Variants in NRG1 observed in about 807,000 individuals in gnomAD.
NRG1 encodes pro-neuregulin-1, membrane-bound isoform.
A neutral mutation model predicts 63.8 loss-of-function variants in NRG1; 18 were observed. The ratio of observed to expected loss-of-function variants is 0.28; its 90% CI spans 0.19 to 0.42. NRG1 has a LOEUF of 0.42. Among genes scored for constraint, NRG1 ranks in the 10% least tolerant of loss-of-function variants. The pLI, the probability that NRG1 is intolerant of heterozygous loss-of-function variation, is 1.00. For missense variants in NRG1, 762 were observed against 814.7 expected, an observed-to-expected ratio of 0.94 and a Z score of 0.79; for synonymous variants, 302 against 301.3, an observed-to-expected ratio of 1.00 and a Z score of -0.02.
intron 5 of NRG1, among the ~76,000 whole-genome samples, chr8:32,620,625 C>G (rs1848175261): frequency 1.3e-5 from 2 of 151,294 alleles, no homozygotes; most frequent in Non-Finnish European, 2.9e-5. Context: ...GAGTTCGAGA[C>G]TAGTCTGGGC....
chr8:32,530,123 T>A (rs1415756392), intron 1 of NRG1, among the ~76,000 whole-genome samples: 1 of 152,090 alleles, frequency 6.6e-6, no homozygotes, highest in African/African-American at 2.4e-5. Context: ...TTTTCTTTTT[T>A]TTGAGGCGGA....
At chr8:32,401,195 A>G (rs910901852) in intron 1 of NRG1, among the ~76,000 whole-genome samples, 6 of 152,098 alleles carry the variant, frequency 3.9e-5, no homozygotes, top group Non-Finnish European at 8.8e-5. Flanking sequence ...ATAGGGTACT[A>G]TGCTTATTAC....
intron 1 of NRG1, among the ~76,000 whole-genome samples, chr8:31,864,840 T>C (rs184283789): frequency 6.6e-6 from 1 of 152,184 alleles, no homozygotes; most frequent in East Asian, 1.9e-4. Flanking sequence ...AGCAGATAGG[T>C]GAGAGGTAGC....
intron 1 of NRG1, among the ~76,000 whole-genome samples, chr8:31,915,221 C>A (rs1010524316): frequency 6.6e-6 from 1 of 151,976 alleles, no homozygotes; most frequent in Non-Finnish European, 1.5e-5. Context: ...AAAAACATGT[C>A]CACTCAAAAT....
At chr8:32,763,060 C>G (rs1831003670) in intron 11 of NRG1, among the ~76,000 whole-genome samples, 1 of 152,190 alleles carries the variant, frequency 6.6e-6, no homozygotes, top group South Asian at 2.1e-4. Flanking sequence ...TAGGTTCTCT[C>G]AGGCTTACCT....
rs192192654 is a variant in NRG1 at position 32,530,452 on chromosome 8, C to T, written c.38-65376C>T. Among the ~76,000 whole-genome samples the T allele has an allele frequency of 6.4e-4, 97 of 152,210 alleles. 2 individuals carry two copies. The highest frequency in any genetic ancestry group is 3.9e-4 in the East Asian group (2 of 5,168). On this transcript the variant is annotated intron_variant, in intron 1 of 10. Transcript: ENST00000519301. ...GGACCACTGTCATATATGTGGTCCA[C>T]GGTTTAGAGTATGGAAATGACTCTA... is the stretch of plus-strand genomic sequence containing the variant.
At chr8:32,482,854 A>G (rs1825474160) in intron 1 of NRG1, among the ~76,000 whole-genome samples, 1 of 152,160 alleles carries the variant, frequency 6.6e-6, no homozygotes, top group Non-Finnish European at 1.5e-5. Context: ...GAAGGTCCAG[A>G]GGCACTCCCA....
At chr8:31,754,576 ATTTC>A (rs1816787014) in intron 1 of NRG1, among the ~76,000 whole-genome samples, 1 of 152,056 alleles carries the variant, frequency 6.6e-6, no homozygotes, top group African/African-American at 2.4e-5. Flanking sequence ...ATTCTCGGGT[ATTTC>A]TTTATAGCAA....
At position 32,535,615 on chromosome 8, in the gene NRG1, C is replaced by T. The variant is rs1831883527; in HGVS notation, c.38-60213C>T. ...ATGTTCTGTGAATCTGGCTGATGGTCAAAGAAAGGGCTAGAGACAGGATGA... is the reference window on the plus strand; with the variant it reads ...ATGTTCTGTGAATCTGGCTGATGGTTAAAGAAAGGGCTAGAGACAGGATGA... On this transcript the variant is annotated intron_variant, in intron 1 of 10. Coordinates refer to the NRG1 transcript ENST00000519301. 2.0e-5 allele frequency among the ~76,000 whole-genome samples: 3 copies of T among 152,202 alleles called. No individual in the cohort carries two copies. The South Asian group carries it at 6.2e-4, about 32-fold the overall frequency.
chr8:32,513,675 C>T (rs1008146745), intron 1 of NRG1, among the ~76,000 whole-genome samples: 2 of 152,110 alleles, frequency 1.3e-5, no homozygotes, highest in Non-Finnish European at 2.9e-5. Flanking sequence ...GTATCCGTAT[C>T]ATTTTTGAGA....
chr8:32,490,164 A>G (rs972139602), intron 1 of NRG1, among the ~76,000 whole-genome samples: 3 of 152,096 alleles, frequency 2.0e-5, no homozygotes, highest in Non-Finnish European at 2.9e-5. Context: ...AATTAGCTGG[A>G]CACAGTGGTG....
At chr8:32,226,379 C>T (rs940754080) in intron 1 of NRG1, among the ~76,000 whole-genome samples, 1 of 152,070 alleles carries the variant, frequency 6.6e-6, no homozygotes, top group Non-Finnish European at 1.5e-5. Context: ...GGGCTCGCTA[C>T]GTATGTGTGT....
chr8:32,667,605 A>G (rs931918653), intron 5 of NRG1, among the ~76,000 whole-genome samples: 7 of 152,168 alleles, frequency 4.6e-5, no homozygotes, highest in Non-Finnish European at 5.9e-5. Flanking sequence ...CCCAGCTTCT[A>G]ATAGTACTCT....
chr8:32,374,973 A>G (rs544525385), intron 1 of NRG1, among the ~76,000 whole-genome samples: 4 of 152,056 alleles, frequency 2.6e-5, no homozygotes, highest in African/African-American at 9.6e-5. Flanking sequence ...TGTCATCAGC[A>G]TTTTATTTAT....
chr8:31,745,737 A>C (rs1815784805), intron 1 of NRG1, among the ~76,000 whole-genome samples: 1 of 151,976 alleles, frequency 6.6e-6, no homozygotes, highest in Non-Finnish European at 1.5e-5. Flanking sequence ...TGTGAGCATG[A>C]ATGAGCCAAG....
At chr8:32,731,404 C>T (rs1226166904) in intron 6 of NRG1, among the ~76,000 whole-genome samples, 3 of 142,188 alleles carry the variant, frequency 2.1e-5, no homozygotes, top group African/African-American at 5.6e-5. Context: ...TAAGAAATTA[C>T]ACCTTTTTTT....
intron 1 of NRG1, among the ~76,000 whole-genome samples, chr8:31,641,343 T>G (rs1443318430): frequency 6.6e-6 from 1 of 151,836 alleles, no homozygotes; most frequent in Non-Finnish European, 1.5e-5. Context: ...GGTTTTTTTT[T>G]TTGGCCAAGT....
intron 1 of NRG1, among the ~76,000 whole-genome samples, chr8:32,369,136 A>T (rs1201712970): frequency 6.6e-6 from 1 of 152,220 alleles, no homozygotes; most frequent in Non-Finnish European, 1.5e-5. Flanking sequence ...CAAGAGTTTC[A>T]GTCAACTTGG....
intron 5 of NRG1, among the ~76,000 whole-genome samples, chr8:32,668,770 C>T (rs1195482261): frequency 6.6e-6 from 1 of 152,042 alleles, no homozygotes; most frequent in Admixed American, 6.6e-5. Context: ...GCATTGCTGA[C>T]TCAAGACTAT....
Sources: gnomAD v4.1 joint callset for allele counts (sites outside exome capture counted in the v4.1 genomes callset) on GRCh38, gnomAD v4.1.1 for gene constraint, MANE v1.5 for transcripts, NCBI Gene and HGNC (gene_info 2026-07-23, HGNC 2026-07-21) for gene names.